Variants in ADGRL3 observed in about 807,000 individuals in gnomAD.
The protein encoded by ADGRL3 is adhesion G protein-coupled receptor L3, also known as calcium-independent alpha-latrotoxin receptor 3.
In ADGRL3, 62 loss-of-function variants were observed where a neutral mutation model predicts 153.5. The ratio of observed to expected loss-of-function variants is 0.40; its 90% CI spans 0.33 to 0.50. The LOEUF is 0.50. ADGRL3 is among the 20% of genes least tolerant of loss of function. The pLI is 0.47. For synonymous variants in ADGRL3, 710 were observed against 672.5 expected, an observed-to-expected ratio of 1.06 and a Z score of -0.86; for missense variants, 1,641 against 1,859.4, an observed-to-expected ratio of 0.88 and a Z score of 2.16.
At chr4:61,513,363 T>A (rs1167308325) in intron 3 of ADGRL3, among the ~76,000 whole-genome samples, 1 of 152,206 alleles carries the variant, frequency 6.6e-6, no homozygotes, top group African/African-American at 2.4e-5. Context: ...CCACAGATAA[T>A]ATGAAAACTC....
intron 1 of ADGRL3, among the ~76,000 whole-genome samples, chr4:61,289,010 A>C (rs2094059051): frequency 6.6e-6 from 1 of 152,006 alleles, no homozygotes; most frequent in South Asian, 2.1e-4. Context: ...AATTATACAT[A>C]TATTTATATA....
intron 4 of ADGRL3, among the ~76,000 whole-genome samples, chr4:61,520,170 C>A (rs372078557): frequency 9.9e-5 from 15 of 152,234 alleles, no homozygotes; most frequent in Admixed American, 8.5e-4. Context: ...AAAAATAGTT[C>A]TCCTAAGTTT....
intron 2 of ADGRL3, among the ~76,000 whole-genome samples, chr4:61,443,682 TG>T (rs2097550128): frequency 6.6e-6 from 1 of 152,198 alleles, no homozygotes; most frequent in Non-Finnish European, 1.5e-5. Flanking sequence ...TATAACATTT[TG>T]GCTCTCTATA....
chr4:61,734,440 A>G (rs1192505334), intron 8 of ADGRL3, among the ~76,000 whole-genome samples: 1 of 152,212 alleles, frequency 6.6e-6, no homozygotes, highest in Non-Finnish European at 1.5e-5. Context: ...ACTTACAATC[A>G]TAGCAGAAGG....
At chr4:61,971,573 T>C (rs1581691617) in intron 17 of ADGRL3, among the ~76,000 whole-genome samples, 1 of 152,174 alleles carries the variant, frequency 6.6e-6, no homozygotes, top group East Asian at 1.9e-4. Flanking sequence ...GACATTTGGG[T>C]TGGTTCCAAG....
intron 1 of ADGRL3, among the ~76,000 whole-genome samples, chr4:61,267,750 A>G (rs945020108): frequency 6.6e-6 from 1 of 151,716 alleles, no homozygotes; most frequent in African/African-American, 2.4e-5. Context: ...CAGGCTGTAC[A>G]TGAACTTAAT....
chr4:61,391,674 C>G lies in ADGRL3; in HGVS notation c.-174+8485C>G, dbSNP rs543139295. 4.4e-4 allele frequency among the ~76,000 whole-genome samples: 66 copies of G among 150,778 alleles called. No homozygotes were observed. The South Asian group carries it at 0.012, about 27-fold the overall frequency. On this transcript the variant is annotated intron_variant, in intron 2 of 26. Transcript: ENST00000683033. Reference sequence around the variant, plus strand: ...TTTCATTTCTATTACCTGTTTTGTTCCAGTTTCTATTTATTTCTATTTATG... The same window carrying G: ...TTTCATTTCTATTACCTGTTTTGTTGCAGTTTCTATTTATTTCTATTTATG...
At chr4:61,272,375 CT>C (rs1304953923) in intron 1 of ADGRL3, among the ~76,000 whole-genome samples, 1 of 151,776 alleles carries the variant, frequency 6.6e-6, no homozygotes, top group African/African-American at 2.4e-5. Context: ...TAATATCTTA[CT>C]TTTTTCAAGA....
intron 2 of ADGRL3, among the ~76,000 whole-genome samples, chr4:61,428,475 A>G (rs944879306): frequency 1.3e-5 from 2 of 152,210 alleles, no homozygotes; most frequent in South Asian, 2.1e-4. Context: ...AAGACCATCA[A>G]TAGTTTCAAA....
In ADGRL3 at chr4:61,280,110, TTTC is replaced by T. The variant is rs746594172; in HGVS notation, c.-240+78348_-240+78350del. Among the ~76,000 whole-genome samples, 237 of 44,242 alleles carry T rather than the reference TTTC, an allele frequency of 5.4e-3. 47 individuals are homozygous for T. The highest frequency in any genetic ancestry group is 0.034 in the Middle Eastern group (3 of 88). The allele number at this position is 44,242 out of a possible 152,430, so 29.0% of individuals were successfully genotyped here. A position where few individuals can be genotyped will look rare whatever the true frequency, so the allele number is the denominator to read the frequency against. ...GTATTTTCTTTTCTTTTCTTTTCTT[TTTC>T]TTTTTTTTTTTTTTGAGACCGAGTC... On this transcript the variant is annotated intron_variant, in intron 1 of 26. Transcript: ENST00000683033.
chr4:61,894,500 G>A (rs1463732699), intron 10 of ADGRL3, among the ~76,000 whole-genome samples: 1 of 152,060 alleles, frequency 6.6e-6, no homozygotes, highest in East Asian at 1.9e-4. Context: ...TGTTTTCTTG[G>A]TTGTGGTCTC....
intron 2 of ADGRL3, among the ~76,000 whole-genome samples, chr4:61,416,047 C>A (rs2097141339): frequency 6.6e-6 from 1 of 152,008 alleles, no homozygotes; most frequent in Non-Finnish European, 1.5e-5. Context: ...TTTCTCTAAT[C>A]TCTAGTGCTA....
chr4:61,916,871 T>TA (rs2098747360), intron 13 of ADGRL3, among the ~76,000 whole-genome samples: 1 of 151,958 alleles, frequency 6.6e-6, no homozygotes, highest in Admixed American at 6.6e-5. Context: ...GAGAATTGCT[T>TA]AAACCCGGGA....
At chr4:61,270,609 T>C (rs2093115861) in intron 1 of ADGRL3, among the ~76,000 whole-genome samples, 3 of 151,816 alleles carry the variant, frequency 2.0e-5, no homozygotes, top group African/African-American at 7.2e-5. Context: ...GAAAGAAGTA[T>C]AAAATGCCGA....
At chr4:61,783,342 T>G (rs2097237617) in intron 8 of ADGRL3, among the ~76,000 whole-genome samples, 1 of 152,110 alleles carries the variant, frequency 6.6e-6, no homozygotes, top group East Asian at 1.9e-4. Flanking sequence ...TGTATTTAAT[T>G]CCCATAGACC....
intron 21 of ADGRL3, among the ~76,000 whole-genome samples, chr4:61,999,608 C>G (rs373332757): frequency 2.7e-4 from 41 of 152,262 alleles, no homozygotes; most frequent in African/African-American, 9.1e-4. Context: ...TTCTGTGCTA[C>G]TGACATTCTC....
chr4:61,275,378 C>G (rs529626086), intron 1 of ADGRL3, among the ~76,000 whole-genome samples: 1 of 152,256 alleles, frequency 6.6e-6, no homozygotes, highest in East Asian at 1.9e-4. Context: ...TTAATGATAG[C>G]TAAATCTCCT....
At chr4:61,392,220 T>C (rs1018710222) in intron 2 of ADGRL3, among the ~76,000 whole-genome samples, 21 of 151,994 alleles carry the variant, frequency 1.4e-4, no homozygotes, top group Non-Finnish European at 4.4e-5. Context: ...GTCTTTTCTT[T>C]ATGAGTTTTG....
chr4:61,563,480 G>A (rs904705583), intron 4 of ADGRL3, among the ~76,000 whole-genome samples: 2 of 152,140 alleles, frequency 1.3e-5, no homozygotes, highest in African/African-American at 4.8e-5. Flanking sequence ...TTACAAGAAA[G>A]TCAGCCCGTC....
Sources: gnomAD v4.1 joint callset for allele counts (sites outside exome capture counted in the v4.1 genomes callset) on GRCh38, gnomAD v4.1.1 for gene constraint, MANE v1.5 for transcripts, NCBI Gene and HGNC (gene_info 2026-07-23, HGNC 2026-07-21) for gene names.